VPS13C: variants seen among roughly 807,000 people sequenced by gnomAD.
The protein encoded by VPS13C is intermembrane lipid transfer protein VPS13C.
A neutral mutation model predicts 456.8 loss-of-function variants in VPS13C; 358 were observed. That is an observed-to-expected ratio of 0.78 (90% CI 0.72 to 0.86). The LOEUF (loss-of-function observed/expected upper bound fraction) is 0.86, where lower values mean the gene tolerates loss of function less well. VPS13C is among the 40% of genes least tolerant of loss of function. The pLI, the probability that VPS13C is intolerant of heterozygous loss-of-function variation, is 0.00. For missense variants in VPS13C, 4,818 were observed against 4,385.4 expected, an observed-to-expected ratio of 1.10 and a Z score of -2.79; for synonymous variants, 1,578 against 1,486.7, an observed-to-expected ratio of 1.06 and a Z score of -1.41.
chr15:61,941,769 A>T lies in VPS13C; in HGVS notation c.5447T>A (p.Leu1816Gln). The change falls in exon 46 of 85, where the codon CTG (leucine) becomes CAG (glutamine). Residue 1816 changes from leucine (L) to glutamine (Q), a missense_variant. Physicochemically the swap from Leu to Gln is moderately radical, Grantham distance 113. Around this residue, in one of 3 missense-constraint regions of VPS13C, gnomAD observed 4,552 missense variants for 4,130.6 expected, o/e 1.10. Transcript: ENST00000644861. ...TTAGATTACATATTTATACCTTGACAGCTTCAACTGAGTGAGTTCGATGTT... is the reference window on the plus strand; with the variant it reads ...TTAGATTACATATTTATACCTTGACTGCTTCAACTGAGTGAGTTCGATGTT... Reference protein sequence around the residue: ...KMNIELTQLKLSRTILQASLP... With the variant: ...KMNIELTQLKQSRTILQASLP... 2 of 1,608,360 alleles carry T rather than the reference A, an allele frequency of 1.2e-6. No homozygotes were observed. Among genetic ancestry groups the T allele is most frequent in the South Asian group, 2.2e-5 (2 of 90,566 alleles).
At chr15:61,901,307 A>G (rs995311350) in intron 66 of VPS13C, among the ~76,000 whole-genome samples, 32 of 152,160 alleles carry the variant, frequency 2.1e-4, no homozygotes, top group Non-Finnish European at 4.3e-4. Context: ...AGAAACTACC[A>G]TCAGAGTGAA....
chr15:62,033,693 CA>C (rs1333750964), intron 4 of VPS13C, 151 bp from the exon 5 acceptor site: 6 of 457,044 alleles, frequency 1.3e-5, no homozygotes, highest in African/African-American at 1.2e-4. Context: ...AACATTTAAA[CA>C]TAAATTATTC....
In VPS13C at chr15:61,954,527, G is replaced by T. The variant is rs764038396; in HGVS notation, c.4193C>A (p.Ser1398Tyr). The T allele has an allele frequency of 6.3e-7, 1 of 1,590,876 alleles. No individual in the cohort carries two copies. The highest frequency in any genetic ancestry group is 8.5e-7 in the Non-Finnish European group (1 of 1,172,326). Residue 1398 changes from serine to tyrosine, a missense_variant, in exon 38 of 85, where the codon TCT becomes TAT. This residue lies in a region of VPS13C where 4,552 missense variants were observed against 4,130.6 expected (regional missense o/e 1.10). Transcript: ENST00000644861. ...TGEIKEPLEI[S>Y]ISQDVHDSKN... is the part of the protein sequence containing the mutation. ...TGAATCATGTACATCTTGTGATATA[G>T]AGATTTCAAGGGGCTCTTTAATTTC...
intron 37 of VPS13C, among the ~76,000 whole-genome samples, chr15:61,957,090 C>T (rs1468602395): frequency 6.6e-6 from 1 of 152,074 alleles, no homozygotes; most frequent in Middle Eastern, 3.4e-3. Flanking sequence ...AATTTTGATA[C>T]ATTCATATAA....
chr15:61,943,099 C>G (rs917920559), intron 45 of VPS13C, among the ~76,000 whole-genome samples: 1 of 152,096 alleles, frequency 6.6e-6, no homozygotes, highest in African/African-American at 2.4e-5. Flanking sequence ...CTAGGAAACA[C>G]TGCTGAAAGA....
chr15:61,941,929 G>C lies in VPS13C; in HGVS notation c.5287C>G (p.Pro1763Ala), dbSNP rs371383668. The C allele has an allele frequency of 1.9e-6, 3 of 1,613,788 alleles. No individual in the cohort carries two copies. The highest frequency in any genetic ancestry group is 2.7e-5 in the African/African-American group (2 of 74,886). The change falls in exon 46 of 85, where the codon CCA (proline) becomes GCA (alanine). Residue 1763 changes from proline to alanine, a missense_variant. By Grantham distance (27) the Pro-to-Ala change is conservative (BLOSUM62 -1). This residue lies in a region of VPS13C where 4,552 missense variants were observed against 4,130.6 expected (regional missense o/e 1.10). Coordinates refer to ENST00000644861, the MANE Select transcript of VPS13C (RefSeq NM_020821.3). ...GAAGACTGAGGAATAATAATAACTG[G>C]TGCTTTCAAATTAATATCCATCAAA... is the stretch of plus-strand genomic sequence containing the variant. ...RLLMDINLKA[P>A]VIIIPQSSVS... is the part of the protein sequence containing the mutation.
intron 21 of VPS13C, among the ~76,000 whole-genome samples, chr15:61,982,136 A>T (rs138837251): frequency 4.3e-4 from 65 of 152,320 alleles, no homozygotes; most frequent in African/African-American, 1.4e-3. Context: ...AGTATCTTTC[A>T]AACTATATTC....
intron 53 of VPS13C, among the ~76,000 whole-genome samples, chr15:61,925,210 T>C (rs982621264): frequency 1.3e-5 from 2 of 149,560 alleles, no homozygotes; most frequent in Non-Finnish European, 3.0e-5. Context: ...CGCATGCAAA[T>C]AGAATAGAGA....
intron 30 of VPS13C, among the ~76,000 whole-genome samples, chr15:61,965,497 T>C (rs2045349878): frequency 6.6e-6 from 1 of 151,820 alleles, no homozygotes; most frequent in Admixed American, 6.6e-5. Context: ...TAATATAAAA[T>C]AAAAAGCTCT....
Position 61,910,238 on chromosome 15 carries a change from G to T in VPS13C, c.8783C>A (p.Ser2928Tyr). ...TCGGTTATAAAAGAATGGTTTGGAA[G>T]ATCCTTCACAGCCCACCACTCTCAC... is the stretch of plus-strand genomic sequence containing the variant. ...LCVRVVGCEG[S>Y]SKPFFYNRQD... is the part of the protein sequence containing the mutation. The change falls in exon 64 of 85, where the codon TCT becomes TAT. Residue 2928 changes from serine to tyrosine, a missense_variant. Around this residue, in one of 3 missense-constraint regions of VPS13C, gnomAD observed 4,552 missense variants for 4,130.6 expected, o/e 1.10. Transcript: ENST00000644861. 6.6e-7 allele frequency: 1 copy of T among 1,521,826 alleles called. No individual in the cohort carries two copies. Among genetic ancestry groups the T allele is most frequent in the Non-Finnish European group, 8.9e-7 (1 of 1,128,376 alleles). The allele number at this position is 1,521,826 out of a possible 1,614,324, so 94.3% of individuals were successfully genotyped here. A position where few individuals can be genotyped will look rare whatever the true frequency, so the allele number is the denominator to read the frequency against.
intron 8 of VPS13C, among the ~76,000 whole-genome samples, chr15:62,022,436 C>T (rs939188587): frequency 6.6e-6 from 1 of 151,814 alleles, no homozygotes; most frequent in African/African-American, 2.4e-5. Flanking sequence ...AATGATAATT[C>T]TTCCACTTTC....
At chr15:61,952,444 G>C (rs1305190979) in intron 38 of VPS13C, among the ~76,000 whole-genome samples, 1 of 152,140 alleles carries the variant, frequency 6.6e-6, no homozygotes, top group Non-Finnish European at 1.5e-5. Flanking sequence ...TGTCCTAAGG[G>C]AGGAGAACAA....
At position 62,033,453 on chromosome 15, in the gene VPS13C, C is replaced by T; in HGVS notation, c.373G>A (p.Ala125Thr). 1.3e-6 allele frequency: 2 copies of T among 1,598,884 alleles called. No individual in the cohort carries two copies. Among genetic ancestry groups the T allele is most frequent in the East Asian group, 2.3e-5 (1 of 44,392 alleles). ...LSRIEEALQK[A>T]AEKGTHSGEF... ...AAAAACTTTTTACCTTTTTCTGCTG[C>T]TTTTTGAAGGGCTTCTTCAATTCGG... Residue 125 changes from alanine to threonine, a missense_variant, in exon 5 of 85, where the codon GCA becomes ACA. By Grantham distance (58) the Ala-to-Thr change is moderately conservative. Around this residue, in one of 3 missense-constraint regions of VPS13C, gnomAD observed 4,552 missense variants for 4,130.6 expected, o/e 1.10. Transcript: ENST00000644861.
intron 81 of VPS13C, chr15:61,865,720 A>T (rs1894521176): frequency 2.2e-6 from 1 of 452,680 alleles, no homozygotes; most frequent in Admixed American, 6.5e-5. Context: ...ATGTGTGTAT[A>T]TATGTGTTTG....
At chr15:61,994,199 T>C (rs942602785) in intron 16 of VPS13C, among the ~76,000 whole-genome samples, 1 of 152,182 alleles carries the variant, frequency 6.6e-6, no homozygotes, top group East Asian at 1.9e-4. Context: ...ATAGATCAAA[T>C]TGCCTTCTCT....
At chr15:61,927,588 T>C (rs1247862854) in intron 51 of VPS13C, among the ~76,000 whole-genome samples, 2 of 152,236 alleles carry the variant, frequency 1.3e-5, no homozygotes, top group Non-Finnish European at 2.9e-5. Flanking sequence ...ACTTTTACAC[T>C]GTTGGCGGGA....
intron 38 of VPS13C, 67 bp from the exon 39 acceptor site, chr15:61,952,047 T>A: frequency 6.5e-7 from 1 of 1,532,078 alleles, no homozygotes; most frequent in East Asian, 2.3e-5. Context: ...AGTCAAGAAT[T>A]TAATAAGTAT....
In VPS13C at chr15:62,034,561, C is replaced by T. The variant is rs544675887; in HGVS notation, c.283+396G>A. Among the ~76,000 whole-genome samples, 8 of 151,446 alleles carry T rather than the reference C, an allele frequency of 5.3e-5. No homozygotes were observed. In the East Asian group the frequency reaches 1.5e-3, roughly 29 times the overall value. Reference sequence around the variant, plus strand: ...AAGAACATTCACTCAAAATCAGAAGCAACAAAATAGGAAAAAAAATAAATT... The same window carrying T: ...AAGAACATTCACTCAAAATCAGAAGTAACAAAATAGGAAAAAAAATAAATT... On this transcript the variant is annotated intron_variant, in intron 4 of 84. Transcript: ENST00000644861.
chr15:61,967,759 C>A (rs1269400142), intron 28 of VPS13C, among the ~76,000 whole-genome samples: 1 of 151,898 alleles, frequency 6.6e-6, no homozygotes, highest in African/African-American at 2.4e-5. Context: ...TTTGTTTAAA[C>A]TGTGAGAGGT....
Sources: gnomAD v4.1 joint callset for allele counts (sites outside exome capture counted in the v4.1 genomes callset) on GRCh38, gnomAD v4.1.1 for gene constraint, gnomAD v4.1.1 regional missense constraint, MANE v1.5 for transcripts, NCBI Gene and HGNC (gene_info 2026-07-23, HGNC 2026-07-21) for gene names.